Variants in ASTN2 observed in about 807,000 individuals in gnomAD.
The protein encoded by ASTN2 is astrotactin 2.
ASTN2 carries 54 observed loss-of-function variants against 139.8 expected under a neutral mutation model. The observed-to-expected ratio is 0.39, with a 90% CI of 0.31 to 0.48. ASTN2 has a LOEUF of 0.48. Among genes scored for constraint, ASTN2 ranks in the 20% least tolerant of loss-of-function variants. The pLI, the probability that ASTN2 is intolerant of heterozygous loss-of-function variation, is 0.95. For missense variants in ASTN2, 1,565 were observed against 1,725.1 expected, an observed-to-expected ratio of 0.91 and a Z score of 1.64; for synonymous variants, 756 against 719.5, an observed-to-expected ratio of 1.05 and a Z score of -0.81.
chr9:116,605,342 C>A (rs540146043), intron 19 of ASTN2, among the ~76,000 whole-genome samples: 1 of 152,144 alleles, frequency 6.6e-6, no homozygotes, highest in African/African-American at 2.4e-5. Context: ...TGAGTGCCAA[C>A]AGAGCCAGAT....
At chr9:117,366,601 T>C (rs1323934735) in intron 1 of ASTN2, among the ~76,000 whole-genome samples, 1 of 152,112 alleles carries the variant, frequency 6.6e-6, no homozygotes, top group Non-Finnish European at 1.5e-5. Context: ...TATTGTACTA[T>C]GAGTACCCAA....
At chr9:116,620,752 T>C (rs776290577) in intron 17 of ASTN2, among the ~76,000 whole-genome samples, 6 of 119,106 alleles carry the variant, frequency 5.0e-5, no homozygotes, top group South Asian at 2.5e-4. Context: ...ACACAATAGA[T>C]ATTATTATTA....
intron 20 of ASTN2, among the ~76,000 whole-genome samples, chr9:116,455,782 T>A (rs1848314697): frequency 6.7e-6 from 1 of 149,908 alleles, no homozygotes; most frequent in Non-Finnish European, 1.5e-5. Flanking sequence ...AAAAAAGTAA[T>A]ACAATCTATT....
At chr9:116,875,191 G>T (rs901605643) in intron 10 of ASTN2, among the ~76,000 whole-genome samples, 1 of 152,208 alleles carries the variant, frequency 6.6e-6, no homozygotes, top group Admixed American at 6.5e-5. Flanking sequence ...AGTTAGGCAA[G>T]ATGTGAATGC....
At chr9:117,062,425 T>C (rs546132814) in intron 5 of ASTN2, among the ~76,000 whole-genome samples, 5 of 152,304 alleles carry the variant, frequency 3.3e-5, no homozygotes, top group Admixed American at 1.3e-4. Flanking sequence ...GAATTCCCTA[T>C]GAGACATGTT....
At chr9:117,309,707 AC>A (rs1827910098) in intron 1 of ASTN2, among the ~76,000 whole-genome samples, 1 of 152,130 alleles carries the variant, frequency 6.6e-6, no homozygotes, top group African/African-American at 2.4e-5. Context: ...GCCCTCCTAT[AC>A]CAAATCTAGG....
chr9:117,346,495 C>T (rs374190667), intron 1 of ASTN2, among the ~76,000 whole-genome samples: 1 of 152,184 alleles, frequency 6.6e-6, no homozygotes, highest in African/African-American at 2.4e-5. Flanking sequence ...CTCACCTGTG[C>T]TTATTTGCTA....
At chr9:116,504,483 T>C (rs1428685020) in intron 19 of ASTN2, 1 of 152,212 alleles carries the variant, frequency 6.6e-6, no homozygotes, top group Non-Finnish European at 1.5e-5. Context: ...ATAACTAGTG[T>C]TTATTAAGCT....
At chr9:116,777,560 T>C (rs4837851) in intron 13 of ASTN2, among the ~76,000 whole-genome samples, 125,608 of 151,960 alleles carry the variant, frequency 0.83, 52,520 homozygotes, top group Non-Finnish European at 0.9. Context: ...ACGTGGCATG[T>C]GAGGCGGGGT....
At chr9:116,788,550 C>T (rs571468820) in intron 13 of ASTN2, among the ~76,000 whole-genome samples, 1 of 152,230 alleles carries the variant, frequency 6.6e-6, no homozygotes, top group African/African-American at 2.4e-5. Flanking sequence ...GGCTCTGACA[C>T]CAGCTATGTG....
At chr9:117,359,884 A>T (rs1037992262) in intron 1 of ASTN2, among the ~76,000 whole-genome samples, 1 of 152,170 alleles carries the variant, frequency 6.6e-6, no homozygotes, top group Non-Finnish European at 1.5e-5. Flanking sequence ...TGATGACTAG[A>T]TCAAGCAATA....
At chr9:116,937,492 C>A (rs1290507572) in intron 10 of ASTN2, among the ~76,000 whole-genome samples, 1 of 152,212 alleles carries the variant, frequency 6.6e-6, no homozygotes, top group Non-Finnish European at 1.5e-5. Context: ...TTTACTGGCA[C>A]TATCTATTAT....
intron 20 of ASTN2, among the ~76,000 whole-genome samples, chr9:116,450,048 C>T (rs192005187): frequency 1.3e-5 from 2 of 152,162 alleles, no homozygotes; most frequent in Admixed American, 1.3e-4. Flanking sequence ...TTTTAAGCTG[C>T]TAAGTTTTGG....
chr9:117,127,535 T>G (rs1029430399), intron 4 of ASTN2, among the ~76,000 whole-genome samples: 1 of 152,186 alleles, frequency 6.6e-6, no homozygotes, highest in African/African-American at 2.4e-5. Context: ...CTAGAAAAGC[T>G]AATGCACTGA....
intron 1 of ASTN2, among the ~76,000 whole-genome samples, chr9:117,361,844 A>AT (rs1564166055): frequency 9.9e-5 from 15 of 152,108 alleles, no homozygotes; most frequent in African/African-American, 3.4e-4. Context: ...AGGATTTAAA[A>AT]ATATATATAT....
intron 20 of ASTN2, among the ~76,000 whole-genome samples, chr9:116,446,163 A>G (rs1196417992): frequency 1.3e-5 from 2 of 151,898 alleles, no homozygotes; most frequent in Non-Finnish European, 2.9e-5. Context: ...AAACAGATAC[A>G]AATATATACC....
intron 19 of ASTN2, among the ~76,000 whole-genome samples, chr9:116,544,779 C>A (rs1852021509): frequency 6.6e-6 from 1 of 152,092 alleles, no homozygotes; most frequent in South Asian, 2.1e-4. Flanking sequence ...TTTTCAGAAG[C>A]CAAATCGGTG....
chr9:117,183,481 G>A (rs78853545), intron 3 of ASTN2, among the ~76,000 whole-genome samples: 3,009 of 152,208 alleles, frequency 0.02, 58 homozygotes, highest in South Asian at 0.035. Flanking sequence ...TACATCATTT[G>A]TTCTTACAAC....
chr9:117,315,960 G>T (rs554289115), intron 1 of ASTN2, among the ~76,000 whole-genome samples: 1 of 152,146 alleles, frequency 6.6e-6, no homozygotes, highest in Non-Finnish European at 1.5e-5. Flanking sequence ...TTGACTGCTC[G>T]CCATGTGCCA....
Sources: allele counts gnomAD v4.1 joint callset (sites outside exome capture counted in the v4.1 genomes callset), GRCh38; gene constraint gnomAD v4.1.1; transcripts MANE v1.5; gene names NCBI Gene and HGNC (gene_info 2026-07-23, HGNC 2026-07-21).